WNK1: variants seen among roughly 807,000 people sequenced by gnomAD.
WNK1 encodes the protein WNK lysine deficient protein kinase 1.
In WNK1, 38 loss-of-function variants were observed where a neutral mutation model predicts 222.8. The observed-to-expected ratio is 0.17, with a 90% CI of 0.13 to 0.22. The LOEUF is 0.22. WNK1 is among the 10% of genes least tolerant of loss of function. The pLI is 1.00. For missense variants in WNK1, 2,348 were observed against 2,918.4 expected (o/e 0.80, Z 4.50); for synonymous variants, 1,090 against 1,092.9 (o/e 1.00, Z 0.05).
At chr12:898,223 G>C (rs1046450602) in intron 25 of WNK1, among the ~76,000 whole-genome samples, 1 of 152,078 alleles carries the variant, frequency 6.6e-6, no homozygotes, top group Non-Finnish European at 1.5e-5. Flanking sequence ...GGTGGCTCAC[G>C]CCTGTAATCC....
intron 4 of WNK1, among the ~76,000 whole-genome samples, chr12:845,137 C>T (rs1387195909): frequency 6.6e-6 from 1 of 151,828 alleles, no homozygotes; most frequent in Non-Finnish European, 1.5e-5. Context: ...CCTCGTGATC[C>T]GCCCGCCTCA....
rs373203244 is a variant in WNK1, at chr12:857,997, C to T, written c.1400+748C>T. On this transcript the variant is annotated intron_variant, in intron 5 of 27. Coordinates refer to ENST00000315939, the MANE Select transcript of WNK1 (RefSeq NM_018979.4). ...AATGAGAGCTATCAGATGTATCAAC[C>T]GAATTAAAGAATTCCATCTTTTCAC... 5.3e-5 allele frequency among the ~76,000 whole-genome samples: 8 copies of T among 152,216 alleles called. No homozygotes were observed. The South Asian group carries it at 1.5e-3, about 28-fold the overall frequency.
At chr12:789,702 G>T (rs576344913) in intron 1 of WNK1, among the ~76,000 whole-genome samples, 1 of 152,006 alleles carries the variant, frequency 6.6e-6, no homozygotes. Context: ...GTTTTTTAAA[G>T]AACTTCTGAA....
chr12:897,796 T>C (rs760114396), intron 25 of WNK1, 115 bp downstream of exon 25: 78 of 1,145,720 alleles, frequency 6.8e-5, no homozygotes, highest in Non-Finnish European at 9.6e-5. Flanking sequence ...GGAATTTGGC[T>C]CTCCTGATAT....
chr12:880,631 CTTCTT>C, intron 11 of WNK1, 85 bp from the exon 12 acceptor site: 1 of 1,258,382 alleles, frequency 7.9e-7, no homozygotes, highest in Non-Finnish European at 1.1e-6. Flanking sequence ...TTGCTGTGTG[CTTCTT>C]TTTTTTTTTT....
At chr12:904,311 G>A in intron 26 of WNK1, 1 of 503,054 alleles carries the variant, frequency 2.0e-6, no homozygotes, top group Non-Finnish European at 3.5e-6. Context: ...AACTATATCT[G>A]TTCAAGGGCT....
chr12:802,000 AACTTCCCCTC>A (rs1945925142), intron 1 of WNK1, among the ~76,000 whole-genome samples: 1 of 152,174 alleles, frequency 6.6e-6, no homozygotes, highest in South Asian at 2.1e-4. Context: ...AGCAGTCATC[AACTTCCCCTC>A]ACAGTTTTTC....
At chr12:843,139 G>A (rs866384628) in intron 4 of WNK1, among the ~76,000 whole-genome samples, 1 of 152,116 alleles carries the variant, frequency 6.6e-6, no homozygotes, top group Non-Finnish European at 1.5e-5. Flanking sequence ...GTTTTACCGT[G>A]TTAGTCAGGC....
chr12:886,421 G>A (rs779931721), intron 19 of WNK1, among the ~76,000 whole-genome samples: 1 of 152,268 alleles, frequency 6.6e-6, no homozygotes, highest in African/African-American at 2.4e-5. Context: ...CAAAATGTAC[G>A]TAAATAATAG....
chr12:859,860 G>C (rs2154064736), intron 6 of WNK1, among the ~76,000 whole-genome samples: 1 of 151,648 alleles, frequency 6.6e-6, no homozygotes, highest in Non-Finnish European at 1.5e-5. Context: ...GGACCATAGG[G>C]ACGTGCCACC....
intron 1 of WNK1, among the ~76,000 whole-genome samples, chr12:778,312 A>AT (rs1230652631): frequency 2.7e-5 from 4 of 150,652 alleles, no homozygotes; most frequent in South Asian, 2.1e-4. Context: ...TTTATTATTA[A>AT]TTTTTTTTTC....
chr12:867,470 G>A (rs1273856407), intron 8 of WNK1, among the ~76,000 whole-genome samples: 2 of 152,114 alleles, frequency 1.3e-5, no homozygotes, highest in East Asian at 3.8e-4. Context: ...AGAACTAGTC[G>A]GGCTTTTATG....
chr12:863,356 A>G (rs1450708891), intron 8 of WNK1, among the ~76,000 whole-genome samples: 2 of 152,188 alleles, frequency 1.3e-5, no homozygotes, highest in African/African-American at 4.8e-5. Context: ...TAACACAAAT[A>G]AAAAACTAAT....
chr12:760,296 C>T (rs1174309639), intron 1 of WNK1, among the ~76,000 whole-genome samples: 1 of 147,314 alleles, frequency 6.8e-6, no homozygotes, highest in African/African-American at 2.4e-5. Flanking sequence ...TATATTTTGT[C>T]TAATCCATTA....
At chr12:826,174 C>T (rs560679478) in intron 2 of WNK1, among the ~76,000 whole-genome samples, 32 of 152,214 alleles carry the variant, frequency 2.1e-4, no homozygotes, top group Admixed American at 1.1e-3. Context: ...TGTTGTATAA[C>T]GTACACCATC....
Position 754,103 on chromosome 12 carries a change from C to G in WNK1, c.538C>G (p.Pro180Ala). ...SLVGSKEEPP[P>A]ARSGSGGGSA... ...TGTGGGGAGCAAAGAGGAGCCGCCGCCGGCGAGAAGTGGCAGCGGCGGCGG... is the reference window on the plus strand; with the variant it reads ...TGTGGGGAGCAAAGAGGAGCCGCCGGCGGCGAGAAGTGGCAGCGGCGGCGG... The change falls in exon 1 of 28, where the codon CCG becomes GCG. Residue 180 changes from proline to alanine, a missense_variant. Physicochemically the swap from Pro to Ala is conservative, Grantham distance 27 (BLOSUM62 -1). Coordinates refer to ENST00000315939, the MANE Select transcript of WNK1 (RefSeq NM_018979.4). The G allele has an allele frequency of 6.2e-7, 1 of 1,611,646 alleles. No homozygotes were observed.
chr12:872,048 G>C (rs1169449322), intron 9 of WNK1, among the ~76,000 whole-genome samples: 1 of 152,112 alleles, frequency 6.6e-6, no homozygotes, highest in African/African-American at 2.4e-5. Context: ...CTAATCTGTA[G>C]AATGATGTGT....
chr12:859,482 A>G lies in WNK1; in HGVS notation c.1620+18A>G. 1 of 1,586,146 alleles carries G rather than the reference A, an allele frequency of 6.3e-7. No homozygotes were observed. The highest frequency in any genetic ancestry group is 8.6e-7 in the Non-Finnish European group (1 of 1,157,800). On this transcript the variant is annotated intron_variant, in intron 6 of 27. Coordinates refer to ENST00000315939, the MANE Select transcript of WNK1 (RefSeq NM_018979.4). The stretch of plus-strand genomic sequence containing the variant: ...AAGAAATGGTAAATTGACATTAGCC[A>G]TTTTAAAATTGATTTAGACTTATAT...
chr12:911,125 G>T lies in WNK1; in HGVS notation c.*2333G>T. The T allele has an allele frequency of 2.5e-6, 1 of 395,658 alleles. No individual in the cohort carries two copies. 24.5% of individuals were successfully genotyped at this position (395,658 alleles called of 1,614,324 possible). A position where few individuals can be genotyped will look rare whatever the true frequency, so the allele number is the denominator to read the frequency against. On this transcript the variant is annotated 3_prime_UTR_variant, in exon 28 of 28. Transcript: ENST00000315939. The stretch of plus-strand genomic sequence containing the variant: ...TTTACTGTTGATTTCATCCTCCTGT[G>T]TATGAAATAACAAGCCTAGAGGAAT...
Sources: allele counts gnomAD v4.1 joint callset (sites outside exome capture counted in the v4.1 genomes callset), GRCh38; gene constraint gnomAD v4.1.1; transcripts MANE v1.5; gene names NCBI Gene and HGNC (gene_info 2026-07-23, HGNC 2026-07-21).